CDH12: variants seen among roughly 807,000 people sequenced by gnomAD.
The protein encoded by CDH12 is cadherin-12.
In CDH12, 41 loss-of-function variants were observed where a neutral mutation model predicts 74.1. The observed-to-expected ratio is 0.55, with a 90% confidence interval of 0.43 to 0.72. The LOEUF (loss-of-function observed/expected upper bound fraction) is 0.72. Among genes scored for constraint, CDH12 ranks in the 30% least tolerant of loss-of-function variants. The probability of loss-of-function intolerance (pLI) is 0.00; values close to 1 mark genes in which losing one functional copy is unlikely to be tolerated. For synonymous variants in CDH12, 399 were observed against 355.0 expected (o/e 1.12, Z -1.39); for missense variants, 945 against 977.2 (o/e 0.97, Z 0.44).
At chr5:22,757,025 A>G (rs752223873) in intron 1 of CDH12, among the ~76,000 whole-genome samples, 6 of 152,140 alleles carry the variant, frequency 3.9e-5, no homozygotes, top group Non-Finnish European at 8.8e-5. Context: ...CTGTTTTCTA[A>G]TATCTACCCT....
At chr5:22,444,059 AG>A (rs1352109497) in intron 2 of CDH12, among the ~76,000 whole-genome samples, 1 of 152,134 alleles carries the variant, frequency 6.6e-6, no homozygotes, top group African/African-American at 2.4e-5. Flanking sequence ...GAGCCATAAG[AG>A]GCTAAAATAA....
intron 4 of CDH12, among the ~76,000 whole-genome samples, chr5:22,176,005 AC>A (rs1365806311): frequency 6.6e-6 from 1 of 152,142 alleles, no homozygotes; most frequent in Non-Finnish European, 1.5e-5. Context: ...CCTTCCCGGA[AC>A]CCTTTCTGTG....
At chr5:22,825,241 C>A (rs925591651) in intron 1 of CDH12, among the ~76,000 whole-genome samples, 1 of 151,826 alleles carries the variant, frequency 6.6e-6, no homozygotes, top group African/African-American at 2.4e-5. Flanking sequence ...TGTGTGTGTA[C>A]ATTTGTACAA....
At chr5:22,606,073 G>A (rs905764551) in intron 1 of CDH12, among the ~76,000 whole-genome samples, 7 of 152,170 alleles carry the variant, frequency 4.6e-5, no homozygotes, top group African/African-American at 1.7e-4. Context: ...GGGCACCTCT[G>A]TGGCCTCAAA....
chr5:22,584,870 C>T (rs541124990), intron 1 of CDH12, among the ~76,000 whole-genome samples: 1 of 152,098 alleles, frequency 6.6e-6, no homozygotes, highest in African/African-American at 2.4e-5. Flanking sequence ...TCACAAATTA[C>T]CTTGAACTCT....
At chr5:22,020,920 A>G (rs1737930899) in intron 5 of CDH12, among the ~76,000 whole-genome samples, 1 of 151,922 alleles carries the variant, frequency 6.6e-6, no homozygotes, top group South Asian at 2.1e-4. Context: ...TTATTAAACA[A>G]TCTTAACATT....
In CDH12 at chr5:21,803,418, G is replaced by C. The variant is rs549860625; in HGVS notation, c.1003-998C>G. On this transcript the variant is annotated intron_variant, in intron 9 of 14. Transcript: ENST00000382254. ...ATCAATACACATTACCAAGAATTGT[G>C]GCTTTATATATTAATATATATGACT... 5.3e-5 allele frequency among the ~76,000 whole-genome samples: 8 copies of C among 152,042 alleles called. No homozygotes were observed. In the South Asian group the frequency reaches 1.0e-3, roughly 20 times the overall value.
At chr5:21,930,638 C>A (rs1754792561) in intron 6 of CDH12, among the ~76,000 whole-genome samples, 1 of 152,156 alleles carries the variant, frequency 6.6e-6, no homozygotes, top group Admixed American at 6.5e-5. Context: ...ACTCCCATCC[C>A]TACTATATTC....
At position 22,732,391 on chromosome 5, in the gene CDH12, C is replaced by T. The variant is rs921936236; in HGVS notation, c.-523+120667G>A. On this transcript the variant is annotated intron_variant, in intron 1 of 14. Transcript: ENST00000382254. ...TCACATTCTGAGTTACTAGGTGTTT[C>T]GACTTCAACATATGGATTTGAGAGG... Among the ~76,000 whole-genome samples the T allele has an allele frequency of 5.9e-5, 9 of 151,352 alleles. No individual in the cohort carries two copies. In the East Asian group the frequency reaches 7.8e-4, roughly 13 times the overall value.
intron 4 of CDH12, among the ~76,000 whole-genome samples, chr5:22,177,611 T>C (rs1475206090): frequency 6.6e-6 from 1 of 152,156 alleles, no homozygotes; most frequent in South Asian, 2.1e-4. Flanking sequence ...TGGCTTTGAT[T>C]TCCACATTTA....
chr5:22,598,558 G>C (rs1580803659), intron 1 of CDH12, among the ~76,000 whole-genome samples: 1 of 152,198 alleles, frequency 6.6e-6, no homozygotes, highest in East Asian at 1.9e-4. Context: ...TACCCAGTTT[G>C]GGGTATTTCT....
chr5:22,832,391 G>A (rs1736654843), intron 1 of CDH12, among the ~76,000 whole-genome samples: 1 of 152,154 alleles, frequency 6.6e-6, no homozygotes, highest in Non-Finnish European at 1.5e-5. Flanking sequence ...TTCTGTCTCA[G>A]CAAAGTCTGA....
rs896709835 is a variant in CDH12, at chr5:22,465,750, C to T, written c.-428+39520G>A. Among the ~76,000 whole-genome samples the T allele has an allele frequency of 2.0e-5, 3 of 152,306 alleles. No homozygotes were observed. The East Asian group carries it at 5.8e-4, about 29-fold the overall frequency. On this transcript the variant is annotated intron_variant, in intron 2 of 14. Transcript: ENST00000382254. ...ACCATTGTCACCTCTCAGTAAATGG[C>T]ATGATCATGCACTCAGTGTGTCAGG...
At chr5:22,614,173 C>CA (rs2126830468) in intron 1 of CDH12, among the ~76,000 whole-genome samples, 1 of 152,218 alleles carries the variant, frequency 6.6e-6, no homozygotes, top group East Asian at 1.9e-4. Flanking sequence ...ATTTGACGCA[C>CA]ATTTATTACA....
intron 2 of CDH12, among the ~76,000 whole-genome samples, chr5:22,439,184 A>T (rs1744523840): frequency 6.6e-6 from 1 of 152,112 alleles, no homozygotes; most frequent in Admixed American, 6.6e-5. Context: ...TCTGATTAAT[A>T]CATATAATTA....
chr5:22,456,521 T>C (rs115322662), intron 2 of CDH12, among the ~76,000 whole-genome samples: 1 of 152,120 alleles, frequency 6.6e-6, no homozygotes, highest in Admixed American at 6.6e-5. Flanking sequence ...TATGATGTAT[T>C]ATGTGATCTA....
chr5:21,756,610 A>G (rs1250996402), intron 13 of CDH12, among the ~76,000 whole-genome samples: 1 of 152,170 alleles, frequency 6.6e-6, no homozygotes, highest in East Asian at 1.9e-4. Context: ...TTGCTCTTTT[A>G]TTTCTACACA....
chr5:22,217,093 A>C (rs1254988877), intron 3 of CDH12, among the ~76,000 whole-genome samples: 1 of 151,878 alleles, frequency 6.6e-6, no homozygotes, highest in African/African-American at 2.4e-5. Context: ...TTTATACTAT[A>C]AATAACATTA....
chr5:21,783,460 A>G lies in CDH12; in HGVS notation c.1291T>C (p.Tyr431His). The change falls in exon 11 of 15, where the codon TAC (tyrosine) becomes CAC (histidine). Residue 431 changes from tyrosine to histidine, a missense_variant. Coordinates refer to ENST00000382254, the MANE Select transcript of CDH12 (RefSeq NM_004061.5). ...FIDWKSDGDS[Y>H]FTIDGNEGTI... ...CCTTCATTTCCATCTATTGTAAAGT[A>G]GCTGTCCCCATCACTCTTCCAATCT... 11 of 1,606,868 alleles carry G rather than the reference A, an allele frequency of 6.8e-6. No homozygotes were observed. Among genetic ancestry groups the G allele is most frequent in the Non-Finnish European group, 9.4e-6 (11 of 1,173,446 alleles).
Sources: gnomAD v4.1 joint callset for allele counts (sites outside exome capture counted in the v4.1 genomes callset) on GRCh38, gnomAD v4.1.1 for gene constraint, MANE v1.5 for transcripts, NCBI Gene and HGNC (gene_info 2026-07-23, HGNC 2026-07-21) for gene names.